Variants in PARP16 observed in about 807,000 individuals in gnomAD.
PARP16 encodes protein mono-ADP-ribosyltransferase PARP16.
Under a neutral mutation model 35.0 loss-of-function variants are expected in PARP16, and 31 were observed. That is an observed-to-expected ratio of 0.88 (90% confidence interval 0.66 to 1.19). The LOEUF (loss-of-function observed/expected upper bound fraction) is 1.19. PARP16 is among the 50% of genes most tolerant of loss of function. The pLI is 0.00. For missense variants in PARP16, 424 were observed against 411.2 expected (o/e 1.03, Z -0.27); for synonymous variants, 162 against 169.5 (o/e 0.96, Z 0.34).
downstream of PARP16, among the ~76,000 whole-genome samples, chr15:65,232,546 T>C (rs1378724044): frequency 6.6e-6 from 1 of 152,066 alleles, no homozygotes. Context: ...ACACCACTGG[T>C]TCTCTCTAAT....
intron 3 of PARP16, among the ~76,000 whole-genome samples, chr15:65,265,374 G>T (rs369887961): frequency 6.6e-6 from 1 of 152,206 alleles, no homozygotes; most frequent in Non-Finnish European, 1.5e-5. Flanking sequence ...CTTTTTTACA[G>T]ATGAAGAACC....
chr15:65,246,726 A>C (rs950413753), intron 3 of PARP16, among the ~76,000 whole-genome samples: 1 of 152,148 alleles, frequency 6.6e-6, no homozygotes. Flanking sequence ...CACATCAGAG[A>C]ATGGGGTGAA....
chr15:65,253,336 CT>C (rs113104111), downstream of PARP16, among the ~76,000 whole-genome samples: 521 of 146,094 alleles, frequency 3.6e-3, 3 homozygotes, highest in African/African-American at 0.011. Context: ...ATTTCATTCT[CT>C]TTTTTTTTTT....
At chr15:65,242,180 T>C (rs909470926) in intron 3 of PARP16, among the ~76,000 whole-genome samples, 5 of 152,200 alleles carry the variant, frequency 3.3e-5, no homozygotes, top group African/African-American at 1.2e-4. Context: ...ATTGATAATA[T>C]GTGTATATCT....
At chr15:65,276,743 G>C in intron 1 of PARP16, among the ~76,000 whole-genome samples, 1 of 152,128 alleles carries the variant, frequency 6.6e-6, no homozygotes, top group Admixed American at 6.5e-5. Flanking sequence ...CACTTTGGGA[G>C]GTTGAGGTGG....
chr15:65,274,226 G>A (rs1272247290), intron 1 of PARP16, among the ~76,000 whole-genome samples: 1 of 150,072 alleles, frequency 6.7e-6, no homozygotes, highest in Non-Finnish European at 1.5e-5. Context: ...TTACAGGCAT[G>A]AGCCACCAAG....
intron 1 of PARP16, among the ~76,000 whole-genome samples, chr15:65,283,832 T>G (rs1240541290): frequency 3.3e-5 from 5 of 152,190 alleles, no homozygotes; most frequent in Non-Finnish European, 5.9e-5. Flanking sequence ...CTGAATGAAG[T>G]TTCGTACCCA....
At chr15:65,241,022 G>A (rs1236405477) in intron 3 of PARP16, among the ~76,000 whole-genome samples, 1 of 151,938 alleles carries the variant, frequency 6.6e-6, no homozygotes, top group Non-Finnish European at 1.5e-5. Context: ...TTTTAGTAGA[G>A]GTGGGGTTTT....
At chr15:65,255,732 C>T (rs543288385), downstream of PARP16, among the ~76,000 whole-genome samples, 3 of 84,222 alleles carry the variant, frequency 3.6e-5, no homozygotes, top group East Asian at 9.6e-4. Context: ...TGGGGTGGAG[C>T]AGAAAACTCA....
intron 4 of PARP16, among the ~76,000 whole-genome samples, 179 bp from the exon 5 acceptor site, chr15:65,261,205 T>A (rs2089700650): frequency 6.8e-6 from 1 of 147,922 alleles, no homozygotes; most frequent in African/African-American, 2.5e-5. Flanking sequence ...GGCAGGCAAA[T>A]GGGAGGAGGA....
chr15:65,244,873 G>A (rs554847786), intron 3 of PARP16, among the ~76,000 whole-genome samples: 8 of 152,314 alleles, frequency 5.3e-5, no homozygotes, highest in African/African-American at 1.4e-4. Flanking sequence ...GCCTGGAGTA[G>A]GTCAGGCAGC....
At position 65,263,339 on chromosome 15, in the gene PARP16, T is replaced by C. The variant is rs189508614; in HGVS notation, c.520-19A>G. Reference sequence around the variant, plus strand: ...AGGATGTCTGCAACAGCAAGGCCAATGGAAAAGAAACACAGATGGTTGAAT... The same window carrying C: ...AGGATGTCTGCAACAGCAAGGCCAACGGAAAAGAAACACAGATGGTTGAAT... On this transcript the variant is annotated intron_variant, in intron 3 of 5. Transcript: ENST00000649807. 1.4e-4 allele frequency: 210 copies of C among 1,550,300 alleles called. 4 individuals are homozygous for C. The Admixed American group carries it at 4.1e-3, about 30-fold the overall frequency.
Position 65,270,923 on chromosome 15 carries a change from CCAAAGTCT to C in PARP16, c.312+4_312+11del. On this transcript the variant is annotated splice_donor_5th_base_variant and intron_variant, in intron 2 of 5. Coordinates refer to ENST00000649807, the MANE Select transcript of PARP16 (RefSeq NM_001316943.2). ...CCCCTAAAATCTGTGATGCTACGGA[CCAAAGTCT>C]CACCTCTGCCTTCCCTGCACTGTGG... is the stretch of plus-strand genomic sequence containing the variant. The C allele has an allele frequency of 6.2e-7, 1 of 1,613,952 alleles. No homozygotes were observed. The highest frequency in any genetic ancestry group is 1.1e-5 in the South Asian group (1 of 91,076).
chr15:65,274,874 G>A (rs1421318419), intron 1 of PARP16, among the ~76,000 whole-genome samples: 1 of 152,196 alleles, frequency 6.6e-6, no homozygotes, highest in African/African-American at 2.4e-5. Flanking sequence ...CCAGCACTTT[G>A]GGAGGCCGAG....
intron 5 of PARP16, 105 bp from the exon 6 acceptor site, chr15:65,259,647 T>C (rs1300689712): frequency 9.0e-7 from 1 of 1,111,070 alleles, no homozygotes; most frequent in South Asian, 1.5e-5. Flanking sequence ...ATGAATTTCA[T>C]CCTTTGCCTG....
At chr15:65,257,900 C>T (rs2089564373), downstream of PARP16, among the ~76,000 whole-genome samples, 1 of 152,156 alleles carries the variant, frequency 6.6e-6, no homozygotes, top group Non-Finnish European at 1.5e-5. Flanking sequence ...TTCCTAGTGC[C>T]TGGCATACAG....
intron 3 of PARP16, among the ~76,000 whole-genome samples, chr15:65,244,577 C>T (rs1039076023): frequency 1.1e-4 from 17 of 152,180 alleles, no homozygotes; most frequent in South Asian, 2.1e-4. Context: ...CCGGGTCCCT[C>T]CCACAACACA....
At chr15:65,254,419 A>T (rs1162710898), downstream of PARP16, among the ~76,000 whole-genome samples, 1 of 152,180 alleles carries the variant, frequency 6.6e-6, no homozygotes, top group African/African-American at 2.4e-5. Context: ...AGCCCAGGAC[A>T]CTGTCTCCAT....
downstream of PARP16, among the ~76,000 whole-genome samples, chr15:65,256,101 G>C (rs1002235344): frequency 6.6e-6 from 1 of 152,158 alleles, no homozygotes; most frequent in Admixed American, 6.5e-5. Flanking sequence ...TGCTCATCTA[G>C]CCCTCCTCTT....
Sources: gnomAD v4.1 joint callset for allele counts (sites outside exome capture counted in the v4.1 genomes callset) on GRCh38, gnomAD v4.1.1 for gene constraint, MANE v1.5 for transcripts, NCBI Gene and HGNC (gene_info 2026-07-23, HGNC 2026-07-21) for gene names.